DMD: variants seen among roughly 807,000 people sequenced by gnomAD.
DMD encodes the protein mutant dystrophin.
DMD carries 63 observed loss-of-function variants against 330.1 expected under a neutral mutation model. The ratio of observed to expected loss-of-function variants is 0.19; its 90% CI spans 0.16 to 0.24. DMD has a LOEUF of 0.24. Among genes scored for constraint, DMD ranks in the 10% least tolerant of loss-of-function variants. The pLI is 1.00. For synonymous variants in DMD, 1,223 were observed against 959.8 expected (o/e 1.27, Z -5.07); for missense variants, 3,344 against 2,684.1 (o/e 1.25, Z -5.43).
rs779396482 is a variant in DMD at position 33,079,851 on chromosome X, A to C, written c.32-59651T>G. Among the ~76,000 whole-genome samples the C allele has an allele frequency of 8.1e-5, 9 of 111,626 alleles. No individual in the cohort carries two copies. The South Asian group carries it at 3.4e-3, about 42-fold the overall frequency. On this transcript the variant is annotated intron_variant, in intron 1 of 78. Coordinates refer to ENST00000357033, the MANE Select transcript of DMD (RefSeq NM_004006.3). ...ACAGAGGAGACTTAGCTTTCCAAAC[A>C]AGACCCAATAAAGACAGCATGAGGA...
intron 4 of DMD, among the ~76,000 whole-genome samples, chrX:32,828,046 C>T (rs192875925): frequency 9.0e-5 from 10 of 111,444 alleles, no homozygotes; most frequent in Non-Finnish European, 1.5e-4. Context: ...CCAGCTGCAT[C>T]CATGTTGCTA....
intron 55 of DMD, among the ~76,000 whole-genome samples, chrX:31,598,214 G>T (rs764554112): frequency 1.8e-5 from 2 of 110,539 alleles, no homozygotes; most frequent in African/African-American, 6.6e-5. Context: ...GACCTCCCAG[G>T]CTCAAGCAAT....
intron 74 of DMD, among the ~76,000 whole-genome samples, chrX:31,162,502 G>A (rs1403395725): frequency 1.8e-5 from 2 of 109,909 alleles, no homozygotes; most frequent in African/African-American, 6.6e-5. Context: ...GTAGTATGAA[G>A]CAGTCCTCAC....
intron 1 of DMD, among the ~76,000 whole-genome samples, chrX:33,138,197 T>C (rs1424712821): frequency 2.7e-5 from 3 of 112,248 alleles, no homozygotes; most frequent in African/African-American, 9.7e-5. Context: ...TCTGTCCTTT[T>C]AACCAAAATA....
At chrX:32,873,258 GAT>G (rs1491297262) in intron 2 of DMD, among the ~76,000 whole-genome samples, 3 of 110,077 alleles carry the variant, frequency 2.7e-5, no homozygotes, top group African/African-American at 9.9e-5. Flanking sequence ...GTGCTTTTGA[GAT>G]AATTGGCTAC....
intron 7 of DMD, among the ~76,000 whole-genome samples, chrX:32,704,646 CTG>C (rs1394469836): frequency 8.9e-6 from 1 of 112,336 alleles, no homozygotes; most frequent in Non-Finnish European, 1.9e-5. Flanking sequence ...ACAACAAAAA[CTG>C]TGAGAGGATG....
At chrX:31,580,403 C>T (rs1181526791) in intron 55 of DMD, among the ~76,000 whole-genome samples, 2 of 111,429 alleles carry the variant, frequency 1.8e-5, no homozygotes, top group Non-Finnish European at 3.8e-5. Context: ...AAGATGTGAG[C>T]GATAGAGCTG....
At chrX:32,384,198 T>C (rs2097943164) in intron 33 of DMD, among the ~76,000 whole-genome samples, 1 of 110,408 alleles carries the variant, frequency 9.1e-6, no homozygotes, top group Non-Finnish European at 1.9e-5. Flanking sequence ...CAATCTCTAA[T>C]ACATTTGAGA....
intron 60 of DMD, among the ~76,000 whole-genome samples, chrX:31,375,802 C>T (rs1414123570): frequency 9.0e-6 from 1 of 111,657 alleles, no homozygotes; most frequent in African/African-American, 3.3e-5. Flanking sequence ...CATGAATATA[C>T]TTAACATTAC....
At chrX:32,885,805 C>T (rs1220998988) in intron 2 of DMD, among the ~76,000 whole-genome samples, 3 of 87,595 alleles carry the variant, frequency 3.4e-5, no homozygotes, top group Non-Finnish European at 4.3e-5. Context: ...GGGCAGTCTC[C>T]GTAATTGTTT....
At chrX:31,838,415 C>T (rs1214983563) in intron 48 of DMD, among the ~76,000 whole-genome samples, 3 of 111,563 alleles carry the variant, frequency 2.7e-5, no homozygotes, top group African/African-American at 9.8e-5. Flanking sequence ...AATTACCAGG[C>T]CAAATATACA....
intron 1 of DMD, among the ~76,000 whole-genome samples, chrX:33,232,825 G>A (rs2052412517): frequency 9.0e-6 from 1 of 111,518 alleles, no homozygotes; most frequent in African/African-American, 3.3e-5. Flanking sequence ...CCAGCAGGTG[G>A]AGGCTGCATT....
chrX:33,232,029 A>G (rs1267279246), intron 1 of DMD, among the ~76,000 whole-genome samples: 2 of 111,914 alleles, frequency 1.8e-5, no homozygotes, highest in Non-Finnish European at 3.8e-5. Flanking sequence ...GCAAGAAAAG[A>G]GTGTACTGAA....
At chrX:32,332,825 A>G (rs981803080) in intron 41 of DMD, among the ~76,000 whole-genome samples, 1 of 109,658 alleles carries the variant, frequency 9.1e-6, no homozygotes, top group African/African-American at 3.4e-5. Context: ...TAGGCTAAAG[A>G]AAGCATGCGT....
chrX:31,708,772 CA>C (rs1178995108), intron 52 of DMD, among the ~76,000 whole-genome samples: 3 of 111,932 alleles, frequency 2.7e-5, no homozygotes, highest in Non-Finnish European at 5.6e-5. Context: ...AACCAAATTA[CA>C]ATCTTAAATG....
intron 51 of DMD, among the ~76,000 whole-genome samples, chrX:31,771,849 G>C (rs1603463431): frequency 9.0e-6 from 1 of 111,354 alleles, no homozygotes; most frequent in South Asian, 3.8e-4. Context: ...CTGTGAGGGG[G>C]CATCAAATCA....
chrX:32,132,993 C>CTTTTTTTT (rs377615262), intron 44 of DMD, among the ~76,000 whole-genome samples: 20 of 75,992 alleles, frequency 2.6e-4, no homozygotes, highest in African/African-American at 7.6e-4. Flanking sequence ...CTTTTCTTTT[C>CTTTTTTTT]TTTTTTTTTT....
At chrX:32,934,734 A>AC (rs1385868279) in intron 2 of DMD, among the ~76,000 whole-genome samples, 2 of 111,634 alleles carry the variant, frequency 1.8e-5, no homozygotes, top group Non-Finnish European at 3.8e-5. Context: ...TCACACCTGA[A>AC]CCTATGTGCT....
At chrX:31,149,861 T>C (rs2037184456) in intron 74 of DMD, among the ~76,000 whole-genome samples, 1 of 112,023 alleles carries the variant, frequency 8.9e-6, no homozygotes, top group South Asian at 3.7e-4. Context: ...AGTGGTTATA[T>C]TTCCATTTTC....
Sources: gnomAD v4.1 joint callset for allele counts (sites outside exome capture counted in the v4.1 genomes callset) on GRCh38, gnomAD v4.1.1 for gene constraint, MANE v1.5 for transcripts, NCBI Gene and HGNC (gene_info 2026-07-23, HGNC 2026-07-21) for gene names.